NEMP1: variants seen among roughly 807,000 people sequenced by gnomAD.
NEMP1 encodes transmembrane protein 194.
A neutral mutation model predicts 53.7 loss-of-function variants in NEMP1; 29 were observed. The ratio of observed to expected loss-of-function variants is 0.54; its 90% CI spans 0.40 to 0.74. NEMP1 has a LOEUF of 0.74. Among genes scored for constraint, NEMP1 ranks in the 30% least tolerant of loss-of-function variants. The pLI is 0.00. For synonymous variants in NEMP1, 193 were observed against 192.9 expected (o/e 1.00, Z 0.00); for missense variants, 477 against 528.6 (o/e 0.90, Z 0.96).
chr12:57,084,741 T>C (rs2032943005), intron 1 of NEMP1, among the ~76,000 whole-genome samples: 1 of 152,216 alleles, frequency 6.6e-6, no homozygotes, highest in South Asian at 2.1e-4. Flanking sequence ...ATAACTATAA[T>C]AATGTTATTC....
Position 57,055,712 on chromosome 12 carries a change from T to C in NEMP1, c.*4167A>G, listed in dbSNP as rs780189938. On this transcript the variant is annotated 3_prime_UTR_variant, in exon 9 of 9. Transcript: ENST00000300128. ...AAAACTTTAAAAATACATTAAGACA[T>C]TGTTCTTTTTTCTTACAGAAAAGAG... 8.5e-5 allele frequency: 13 copies of C among 152,190 alleles called. No homozygotes were observed. Among genetic ancestry groups the C allele is most frequent in the Non-Finnish European group, 1.8e-4 (12 of 68,028 alleles). The allele number at this position is 152,190 out of a possible 1,614,324, so 9.4% of individuals were successfully genotyped here.
At chr12:57,084,385 G>A (rs543127149) in intron 1 of NEMP1, among the ~76,000 whole-genome samples, 54 of 152,276 alleles carry the variant, frequency 3.5e-4, no homozygotes, top group African/African-American at 1.2e-3. Flanking sequence ...CACATACTCA[G>A]TCACCCAAGC....
chr12:57,079,165 C>A (rs776562542), upstream of NEMP1, among the ~76,000 whole-genome samples: 5 of 152,258 alleles, frequency 3.3e-5, no homozygotes, highest in East Asian at 9.6e-4. Context: ...CTTTTTATCA[C>A]GACCTTTCTG....
chr12:57,086,331 G>T (rs1195252541), intron 1 of NEMP1, among the ~76,000 whole-genome samples: 1 of 152,172 alleles, frequency 6.6e-6, no homozygotes, highest in African/African-American at 2.4e-5. Context: ...ACAGATAAAA[G>T]AATATTAATC....
At position 57,064,725 on chromosome 12, in the gene NEMP1, T is replaced by C. The variant is rs756688610; in HGVS notation, c.560A>G (p.Tyr187Cys). The C allele has an allele frequency of 8.1e-6, 13 of 1,612,024 alleles. No individual in the cohort carries two copies. In the South Asian group the frequency reaches 9.9e-5, roughly 12 times the overall value. ...TCCCACAGTCATCCCAGTAGAGTAG[T>C]AGAAAATTTGACTTCTGCAGGAAAA... is the stretch of plus-strand genomic sequence containing the variant. ...GDLLSRSQIF[Y>C]YSTGMTVGIV... Residue 187 changes from tyrosine (Y) to cysteine (C), a missense_variant, in exon 5 of 9, where the codon TAC (tyrosine) becomes TGC (cysteine). By Grantham distance (194) the Tyr-to-Cys change is radical. Transcript: ENST00000300128.
intron 4 of NEMP1, among the ~76,000 whole-genome samples, chr12:57,065,371 C>T (rs550940590): frequency 4.6e-5 from 7 of 152,290 alleles, no homozygotes; most frequent in Non-Finnish European, 5.9e-5. Context: ...ACTTCTCTCT[C>T]GCTATCAAAG....
intron 7 of NEMP1, among the ~76,000 whole-genome samples, chr12:57,061,324 C>T (rs182395930): frequency 6.6e-6 from 1 of 152,312 alleles, no homozygotes; most frequent in Admixed American, 6.5e-5. Flanking sequence ...AACAAACTCA[C>T]TTTATTTTCC....
intron 6 of NEMP1, 42 bp from the exon 7 acceptor site, chr12:57,063,386 C>G (rs774133866): frequency 7.8e-6 from 12 of 1,535,950 alleles, no homozygotes; most frequent in Admixed American, 1.7e-5. Context: ...TTCATCTATA[C>G]TTGGTAAAAA....
At chr12:57,084,582 A>T (rs1333718314) in intron 1 of NEMP1, among the ~76,000 whole-genome samples, 1 of 152,174 alleles carries the variant, frequency 6.6e-6, no homozygotes, top group Non-Finnish European at 1.5e-5. Flanking sequence ...CTGTTTTTGC[A>T]GCCATAAATC....
chr12:57,059,144 A>C lies in NEMP1; in HGVS notation c.*735T>G, dbSNP rs2031671174. On this transcript the variant is annotated 3_prime_UTR_variant, in exon 9 of 9. Transcript: ENST00000300128. ...AAAAAGCCCAGTACATCTCACCTGC[A>C]GAAGAGCCTACAGGCATGTTCCTAA... The C allele has an allele frequency of 6.6e-6, 1 of 152,230 alleles. No homozygotes were observed. The highest frequency in any genetic ancestry group is 2.4e-5 in the African/African-American group (1 of 41,450). 9.4% of individuals were successfully genotyped at this position (152,230 alleles called of 1,614,324 possible). A position where few individuals can be genotyped will look rare whatever the true frequency, so the allele number is the denominator to read the frequency against.
upstream of NEMP1, among the ~76,000 whole-genome samples, chr12:57,079,899 T>C (rs146833372): frequency 6.5e-3 from 992 of 152,276 alleles, 6 homozygotes; most frequent in Middle Eastern, 0.014. Context: ...GCTTCCTAGA[T>C]AGGTTGGGCT....
chr12:57,081,786 A>C (rs897564862), upstream of NEMP1, among the ~76,000 whole-genome samples: 1 of 151,520 alleles, frequency 6.6e-6, no homozygotes, highest in Non-Finnish European at 1.5e-5. Flanking sequence ...AGGTACCTGT[A>C]GTCCCAGCTA....
At chr12:57,069,692 G>C (rs1363666178) in intron 3 of NEMP1, among the ~76,000 whole-genome samples, 1 of 151,906 alleles carries the variant, frequency 6.6e-6, no homozygotes, top group African/African-American at 2.4e-5. Context: ...GCCCAGAACT[G>C]TGGGTCAGGG....
chr12:57,073,244 C>T (rs1005087954), intron 1 of NEMP1, among the ~76,000 whole-genome samples: 34 of 151,918 alleles, frequency 2.2e-4, no homozygotes, highest in African/African-American at 2.2e-4. Context: ...GCAAGCTCCG[C>T]CCCCTGGGTT....
At chr12:57,067,329 A>C (rs2032138843) in intron 4 of NEMP1, among the ~76,000 whole-genome samples, 1 of 152,166 alleles carries the variant, frequency 6.6e-6, no homozygotes, top group Non-Finnish European at 1.5e-5. Flanking sequence ...GTCTCAAAAA[A>C]AAAAAAAAGA....
At chr12:57,077,242 G>A (rs1479935584) in intron 1 of NEMP1, among the ~76,000 whole-genome samples, 7 of 151,330 alleles carry the variant, frequency 4.6e-5, no homozygotes, top group African/African-American at 1.7e-4. Context: ...TGAGGCAGGA[G>A]AATGGCGTGA....
intron 1 of NEMP1, among the ~76,000 whole-genome samples, chr12:57,085,731 A>G (rs1237449919): frequency 2.0e-5 from 3 of 152,258 alleles, no homozygotes; most frequent in Non-Finnish European, 4.4e-5. Context: ...GTGTGAATTA[A>G]TTTACCAGAA....
At chr12:57,074,750 C>T (rs1466271291) in intron 1 of NEMP1, among the ~76,000 whole-genome samples, 4 of 152,194 alleles carry the variant, frequency 2.6e-5, no homozygotes, top group Non-Finnish European at 5.9e-5. Flanking sequence ...AGAAGATTCT[C>T]CTCTCAATTT....
chr12:57,081,113 C>G (rs1349878019), upstream of NEMP1, among the ~76,000 whole-genome samples: 2 of 152,106 alleles, frequency 1.3e-5, no homozygotes, highest in African/African-American at 4.8e-5. Context: ...TGTGGTTTTC[C>G]TTCCCAAAAC....
Sources: gnomAD v4.1 joint callset for allele counts (sites outside exome capture counted in the v4.1 genomes callset) on GRCh38, gnomAD v4.1.1 for gene constraint, MANE v1.5 for transcripts, NCBI Gene and HGNC (gene_info 2026-07-23, HGNC 2026-07-21) for gene names.